Variants in ATP5MG observed in about 807,000 individuals in gnomAD.
The protein encoded by ATP5MG is ATP synthase F(0) complex subunit g, mitochondrial.
ATP5MG carries 7 observed loss-of-function variants against 12.7 expected under a neutral mutation model. That is an observed-to-expected ratio of 0.55 (90% CI 0.31 to 1.04). The LOEUF is 1.04. Ranked by LOEUF, ATP5MG falls within the 50% of genes least tolerant of loss-of-function variation. The probability of loss-of-function intolerance (pLI) is 0.05; values close to 1 mark genes in which losing one functional copy is unlikely to be tolerated. For synonymous variants in ATP5MG, 53 were observed against 48.2 expected (o/e 1.10, Z -0.41); for missense variants, 116 against 126.7 (o/e 0.92, Z 0.41).
At position 118,407,194 on chromosome 11, in the gene ATP5MG, A is replaced by G. The variant is rs1948980334; in HGVS notation, c.213+97A>G. 4 of 1,530,816 alleles carry G rather than the reference A, an allele frequency of 2.6e-6. No homozygotes were observed. In the East Asian group the frequency reaches 7.2e-5, roughly 27 times the overall value. The allele number at this position is 1,530,816 out of a possible 1,614,324, so 94.8% of individuals were successfully genotyped here. The stretch of plus-strand genomic sequence containing the variant: ...TTGATTAATATATATGTTTCCAATG[A>G]GGCTGAATCCAGCATAATGAGGAAA... On this transcript the variant is annotated intron_variant, in intron 2 of 2. Transcript: ENST00000300688.
In ATP5MG at chr11:118,407,289, T is replaced by C. The variant is rs1435548009; in HGVS notation, c.213+192T>C. ...CACCTGGGTAGAAATAATTAGCCCA[T>C]TTTATGTCTTAGTTTCCTAAGAGTC... is the stretch of plus-strand genomic sequence containing the variant. On this transcript the variant is annotated intron_variant, in intron 2 of 2. Coordinates refer to ENST00000300688, the MANE Select transcript of ATP5MG (RefSeq NM_006476.5). 4 of 843,222 alleles carry C rather than the reference T, an allele frequency of 4.7e-6. No individual in the cohort carries two copies. The African/African-American group carries it at 5.2e-5, about 11-fold the overall frequency. The allele number at this position is 843,222 out of a possible 1,614,324, so 52.2% of individuals were successfully genotyped here.
At position 118,401,638 on chromosome 11, in the gene ATP5MG, G is replaced by C; in HGVS notation, c.-28G>C. 1 of 1,613,968 alleles carries C rather than the reference G, an allele frequency of 6.2e-7. No homozygotes were observed. Among genetic ancestry groups the C allele is most frequent in the Non-Finnish European group, 8.5e-7 (1 of 1,179,902 alleles). ...GCGGGTGACATTCAGCCGGCGGTTC[G>C]GGGCGACGGACTCTCCATTCCAGAA... On this transcript the variant is annotated 5_prime_UTR_variant, in exon 1 of 3. Coordinates refer to ENST00000300688, the MANE Select transcript of ATP5MG (RefSeq NM_006476.5).
intron 1 of ATP5MG, among the ~76,000 whole-genome samples, chr11:118,404,241 A>C (rs916292835): frequency 1.3e-5 from 2 of 152,208 alleles, no homozygotes; most frequent in Non-Finnish European, 2.9e-5. Context: ...AAATAAGTAA[A>C]TTTATCATCA....
At chr11:118,406,415 A>G in intron 1 of ATP5MG, 1 of 161,242 alleles carries the variant, frequency 6.2e-6, no homozygotes, top group Non-Finnish European at 1.4e-5. Context: ...GCACATATTG[A>G]TGAGGATACC....
intron 1 of ATP5MG, among the ~76,000 whole-genome samples, chr11:118,402,979 T>G (rs1333086667): frequency 6.6e-6 from 1 of 152,066 alleles, no homozygotes; most frequent in Non-Finnish European, 1.5e-5. Context: ...GAGTTACAGG[T>G]GTGAGCCACA....
chr11:118,402,914 G>A (rs1191346793), intron 1 of ATP5MG, among the ~76,000 whole-genome samples: 1 of 151,920 alleles, frequency 6.6e-6, no homozygotes, highest in African/African-American at 2.4e-5. Flanking sequence ...GCCCAGGCTA[G>A]TCTCTTAACT....
At chr11:118,402,692 CTTTCT>C (rs1236980467) in intron 1 of ATP5MG, among the ~76,000 whole-genome samples, 10 of 136,042 alleles carry the variant, frequency 7.4e-5, no homozygotes, top group African/African-American at 2.4e-4. Context: ...CTTTTTCTTT[CTTTCT>C]TTTTTTTTTT....
At chr11:118,406,543 T>G (rs1948973110) in intron 1 of ATP5MG, 3 of 200,424 alleles carry the variant, frequency 1.5e-5, no homozygotes, top group African/African-American at 2.3e-5. Context: ...CACCTCTTTC[T>G]TCAAATTTGC....
chr11:118,401,680 C>T lies in ATP5MG; in HGVS notation c.15C>T (p.Val5=). 6.2e-7 allele frequency: 1 copy of T among 1,614,088 alleles called. No homozygotes were observed. Among genetic ancestry groups the T allele is most frequent in the South Asian group, 1.1e-5 (1 of 91,078 alleles). ...ATTCCAGAACCATGGCCCAATTTGT[C>T]CGTAACCTTGTGGAGAAGACCCCGG... The part of the protein sequence containing the change: MAQF[V]RNLVEKTPAL... The change falls in exon 1 of 3, where the codon GTC becomes GTT. Residue 5 remains valine (V), a synonymous_variant. Coordinates refer to ENST00000300688, the MANE Select transcript of ATP5MG (RefSeq NM_006476.5).
At chr11:118,403,967 A>C (rs1422846290) in intron 1 of ATP5MG, 1 of 151,626 alleles carries the variant, frequency 6.6e-6, no homozygotes, top group East Asian at 1.9e-4. Context: ...TGTGATCTAA[A>C]AAGAAAAGTA....
At chr11:118,401,993 G>A in intron 1 of ATP5MG, 1 of 435,968 alleles carries the variant, frequency 2.3e-6, no homozygotes, top group Non-Finnish European at 4.1e-6. Context: ...GGCGTTGCCC[G>A]GCAGCTGCAA....
At chr11:118,407,884 T>C (rs1948986271) in intron 2 of ATP5MG, among the ~76,000 whole-genome samples, 1 of 150,096 alleles carries the variant, frequency 6.7e-6, no homozygotes, top group South Asian at 2.1e-4. Flanking sequence ...GAAAAAAGGC[T>C]GGGCGCAGTG....
chr11:118,406,839 T>A, intron 1 of ATP5MG, 98 bp from the exon 2 acceptor site: 1 of 1,494,802 alleles, frequency 6.7e-7, no homozygotes, highest in Non-Finnish European at 8.9e-7. Context: ...ATGAAGGTGA[T>A]GCATGAATAA....
chr11:118,408,713 A>G (rs569961480), intron 2 of ATP5MG, among the ~76,000 whole-genome samples: 1 of 152,250 alleles, frequency 6.6e-6, no homozygotes, highest in South Asian at 2.1e-4. Flanking sequence ...ATAAACTTAT[A>G]ATGAAAGGGT....
chr11:118,409,760 A>G lies in ATP5MG; in HGVS notation c.*662A>G, dbSNP rs183680363. 113 of 152,336 alleles carry G rather than the reference A, an allele frequency of 7.4e-4. No homozygotes were observed. Among genetic ancestry groups the G allele is most frequent in the African/African-American group, 2.7e-3 (112 of 41,580 alleles). The allele number at this position is 152,336 out of a possible 1,614,324, so 9.4% of individuals were successfully genotyped here. ...TACCTTTGCAAAAACAAAATACCCC[A>G]AAGATATTTAAACAAGGTTATAATT... On this transcript the variant is annotated 3_prime_UTR_variant, in exon 3 of 3. Coordinates refer to ENST00000300688, the MANE Select transcript of ATP5MG (RefSeq NM_006476.5).
At chr11:118,407,314 C>G (rs1044247091) in intron 2 of ATP5MG, 6 of 686,938 alleles carry the variant, frequency 8.7e-6, no homozygotes, top group Non-Finnish European at 1.1e-5. Flanking sequence ...TCCTAAGAGT[C>G]TTAAACCTAG....
chr11:118,402,588 A>G, intron 1 of ATP5MG, among the ~76,000 whole-genome samples: 1 of 152,108 alleles, frequency 6.6e-6, no homozygotes, highest in African/African-American at 2.4e-5. Flanking sequence ...ACTTTTGCCT[A>G]CGTTTATGAA....
rs551141044 is a variant in ATP5MG, at chr11:118,404,702, G to A, written c.53-2235G>A. 2.6e-5 allele frequency among the ~76,000 whole-genome samples: 4 copies of A among 152,274 alleles called. No individual in the cohort carries two copies. In the East Asian group the frequency reaches 7.7e-4, roughly 29 times the overall value. On this transcript the variant is annotated intron_variant, in intron 1 of 2. Transcript: ENST00000300688. Reference sequence around the variant, plus strand: ...TCACTTGGTTATAGGTTCCTCTACTGTAAAGTTACTGTTTTTCTCTCCGTG... The same window carrying A: ...TCACTTGGTTATAGGTTCCTCTACTATAAAGTTACTGTTTTTCTCTCCGTG...
chr11:118,402,376 C>G (rs893611307), intron 1 of ATP5MG, among the ~76,000 whole-genome samples: 1 of 152,064 alleles, frequency 6.6e-6, no homozygotes, highest in Non-Finnish European at 1.5e-5. Context: ...CTTGAAGAGC[C>G]TCACTGGTAG....
Sources: allele counts gnomAD v4.1 joint callset (sites outside exome capture counted in the v4.1 genomes callset), GRCh38; gene constraint gnomAD v4.1.1; transcripts MANE v1.5; gene names NCBI Gene and HGNC (gene_info 2026-07-23, HGNC 2026-07-21).